VPS41: variants seen among roughly 807,000 people sequenced by gnomAD.
The protein encoded by VPS41 is vacuolar protein sorting-associated protein 41 homolog.
VPS41 carries 85 observed loss-of-function variants against 130.9 expected under a neutral mutation model. The ratio of observed to expected loss-of-function variants is 0.65; its 90% CI spans 0.55 to 0.78. VPS41 has a LOEUF of 0.78. VPS41 is among the 30% of genes least tolerant of loss of function. VPS41 has a pLI of 0.00. For synonymous variants in VPS41, 335 were observed against 332.9 expected (o/e 1.01, Z -0.07); for missense variants, 874 against 1,018.7 (o/e 0.86, Z 1.93).
chr7:38,836,002 T>TG (rs753604429), intron 4 of VPS41, among the ~76,000 whole-genome samples: 1 of 152,048 alleles, frequency 6.6e-6, no homozygotes, highest in African/African-American at 2.4e-5. Context: ...GTTTGGCTTT[T>TG]TACTGTGTAT....
intron 25 of VPS41, among the ~76,000 whole-genome samples, chr7:38,737,916 T>C (rs1271220760): frequency 6.6e-6 from 1 of 152,186 alleles, no homozygotes; most frequent in Non-Finnish European, 1.5e-5. Flanking sequence ...TTGTACCCAA[T>C]GCCTTAGATC....
intron 7 of VPS41, among the ~76,000 whole-genome samples, chr7:38,817,609 C>T (rs1184001326): frequency 6.6e-6 from 1 of 152,214 alleles, no homozygotes; most frequent in Non-Finnish European, 1.5e-5. Flanking sequence ...CAGAGCAAGA[C>T]TCCGTCTCAA....
chr7:38,845,263 G>GA (rs1353271942), intron 4 of VPS41, among the ~76,000 whole-genome samples: 1 of 152,030 alleles, frequency 6.6e-6, no homozygotes, highest in Non-Finnish European at 1.5e-5. Context: ...TCAATAAAAG[G>GA]AAAAAAACAG....
intron 25 of VPS41, among the ~76,000 whole-genome samples, chr7:38,736,788 A>AGC (rs1302292932): frequency 3.3e-4 from 50 of 152,376 alleles, no homozygotes; most frequent in African/African-American, 1.2e-3. Flanking sequence ...TGAAAGCATG[A>AGC]GCACCAAAAA....
chr7:38,895,377 G>A lies in VPS41; in HGVS notation c.60+2714C>T, dbSNP rs77137113. On this transcript the variant is annotated intron_variant, in intron 2 of 28. Transcript: ENST00000310301. ...ACAAACCACGTTAAGGTAGTTTATT[G>A]TATCTGCAAATGCTTGTTTATAGAC... 7.7e-3 allele frequency among the ~76,000 whole-genome samples: 1,166 copies of A among 152,218 alleles called. 24 individuals carry two copies. Among genetic ancestry groups the A allele is most frequent in the African/African-American group, 0.026 (1,087 of 41,552 alleles).
chr7:38,769,847 T>C (rs867037518), intron 14 of VPS41, among the ~76,000 whole-genome samples: 3 of 152,196 alleles, frequency 2.0e-5, no homozygotes, highest in Admixed American at 1.3e-4. Context: ...CCCATCTCCA[T>C]CAGAGAATCT....
intron 10 of VPS41, among the ~76,000 whole-genome samples, chr7:38,785,403 G>A (rs1053478269): frequency 1.3e-5 from 2 of 152,170 alleles, no homozygotes; most frequent in Admixed American, 6.5e-5. Flanking sequence ...GACAGGAGCC[G>A]AACAGTACAC....
intron 2 of VPS41, among the ~76,000 whole-genome samples, chr7:38,870,041 C>T (rs1378664907): frequency 6.6e-6 from 1 of 152,186 alleles, no homozygotes; most frequent in Admixed American, 6.5e-5. Flanking sequence ...CAGCCACTTT[C>T]TTCCTGGAGG....
intron 2 of VPS41, among the ~76,000 whole-genome samples, chr7:38,876,128 A>G (rs1786485934): frequency 2.0e-5 from 3 of 152,218 alleles, no homozygotes; most frequent in Non-Finnish European, 2.9e-5. Flanking sequence ...TCTAGCAGGT[A>G]GAGGCCAGGG....
chr7:38,866,800 A>G (rs1786239561), intron 3 of VPS41, among the ~76,000 whole-genome samples: 3 of 152,232 alleles, frequency 2.0e-5, no homozygotes, highest in Admixed American at 1.3e-4. Flanking sequence ...CAAACAAAGG[A>G]AAGTGAAAGA....
At chr7:38,843,121 C>T (rs546428423) in intron 4 of VPS41, among the ~76,000 whole-genome samples, 31 of 152,220 alleles carry the variant, frequency 2.0e-4, no homozygotes, top group African/African-American at 7.5e-4. Flanking sequence ...ATGTTATTTT[C>T]TTAAAAATAA....
At chr7:38,796,628 C>G (rs779352188) in intron 8 of VPS41, 117 bp downstream of exon 8, 94 of 1,489,424 alleles carry the variant, frequency 6.3e-5, no homozygotes, top group Middle Eastern at 1.7e-4. Context: ...CGTCCTTACA[C>G]CCTTTAGAAA....
intron 21 of VPS41, 97 bp downstream of exon 21, chr7:38,754,605 G>A: frequency 2.0e-6 from 2 of 988,786 alleles, no homozygotes; most frequent in Non-Finnish European, 3.1e-6. Context: ...TAACCTCCTT[G>A]AAGAATTCAC....
chr7:38,739,199 A>G (rs1209579685), intron 25 of VPS41, among the ~76,000 whole-genome samples: 1 of 152,124 alleles, frequency 6.6e-6, no homozygotes, highest in African/African-American at 2.4e-5. Flanking sequence ...AGATCCCTAC[A>G]TTACTGAATG....
At chr7:38,789,963 T>C in intron 9 of VPS41, 96 bp from the exon 10 acceptor site, 5 of 1,244,150 alleles carry the variant, frequency 4.0e-6, no homozygotes, top group East Asian at 2.4e-5. Flanking sequence ...ATTAACCTTG[T>C]AGCACTGCAG....
chr7:38,736,522 A>G (rs1489331407), intron 25 of VPS41, among the ~76,000 whole-genome samples: 1 of 152,248 alleles, frequency 6.6e-6, no homozygotes, highest in Non-Finnish European at 1.5e-5. Context: ...GCTCTTTAAA[A>G]GACAACAGTT....
chr7:38,807,567 A>G (rs1432199985), intron 7 of VPS41, among the ~76,000 whole-genome samples: 1 of 152,162 alleles, frequency 6.6e-6, no homozygotes, highest in Admixed American at 6.5e-5. Flanking sequence ...TCCTATCTAT[A>G]TGCTTTTGGA....
intron 9 of VPS41, 52 bp from the exon 10 acceptor site, chr7:38,789,919 T>C (rs1419950413): frequency 6.3e-7 from 1 of 1,584,080 alleles, no homozygotes; most frequent in Admixed American, 1.7e-5. Context: ...AAATTCTTCA[T>C]AACATTTTAT....
rs200230132 is a variant in VPS41 at position 38,830,332 on chromosome 7, A to C, written c.247-4T>G. On this transcript the variant is annotated splice_polypyrimidine_tract_variant and splice_region_variant and intron_variant, in intron 4 of 28. Transcript: ENST00000310301. ...TCTGATTTATCTTCACAGGACTCTA[A>C]AAAGAAAAAGACAAAAAGATGTGTA... The C allele has an allele frequency of 6.3e-7, 1 of 1,585,772 alleles. No homozygotes were observed. Among genetic ancestry groups the C allele is most frequent in the African/African-American group, 1.3e-5 (1 of 74,458 alleles).
Sources: gnomAD v4.1 joint callset for allele counts (sites outside exome capture counted in the v4.1 genomes callset) on GRCh38, gnomAD v4.1.1 for gene constraint, MANE v1.5 for transcripts, NCBI Gene and HGNC (gene_info 2026-07-23, HGNC 2026-07-21) for gene names.